The following VMP1 variants were observed in gnomAD, a reference collection of about 807,000 sequenced individuals.
The protein encoded by VMP1 is ectopic P-granules autophagy protein 3 homolog.
VMP1 carries 11 observed loss-of-function variants against 56.0 expected under a neutral mutation model. The ratio of observed to expected loss-of-function variants is 0.20; its 90% CI spans 0.12 to 0.32. The LOEUF (loss-of-function observed/expected upper bound fraction) is 0.32, where lower values mean the gene tolerates loss of function less well. Ranked by LOEUF, VMP1 falls within the 10% of genes least tolerant of loss-of-function variation. The pLI is 1.00. For synonymous variants in VMP1, 149 were observed against 165.0 expected (o/e 0.90, Z 0.74); for missense variants, 296 against 490.3 (o/e 0.60, Z 3.74).
At chr17:59,815,929 A>C (rs1269660198) in intron 9 of VMP1, among the ~76,000 whole-genome samples, 1 of 149,862 alleles carries the variant, frequency 6.7e-6, no homozygotes. Context: ...ATCTTTGTTC[A>C]TTCTAGCACA....
intron 7 of VMP1, among the ~76,000 whole-genome samples, chr17:59,808,425 C>T (rs1464111141): frequency 6.6e-6 from 1 of 152,188 alleles, no homozygotes; most frequent in Non-Finnish European, 1.5e-5. Context: ...GAGATGTATT[C>T]ATGAAGTCTG....
chr17:59,826,820 G>A (rs998934568), intron 10 of VMP1, among the ~76,000 whole-genome samples: 1 of 152,166 alleles, frequency 6.6e-6, no homozygotes, highest in Non-Finnish European at 1.5e-5. Context: ...AGGCAGAGAA[G>A]GGGGACACTC....
intron 10 of VMP1, among the ~76,000 whole-genome samples, chr17:59,835,515 A>T (rs562928011): frequency 6.3e-5 from 9 of 142,092 alleles, no homozygotes; most frequent in African/African-American, 1.8e-4. Flanking sequence ...TTTGAGACAG[A>T]GTTTCACTCT....
Position 59,782,096 on chromosome 17 carries a change from A to G in VMP1, c.714+8211A>G, listed in dbSNP as rs60694826. ...GCTAATTTTTGTATTTTTAGTAGAG[A>G]TGGGGTTTCACCATGTTGGCCAGGC... On this transcript the variant is annotated intron_variant, in intron 7 of 11. Coordinates refer to ENST00000262291, the MANE Select transcript of VMP1 (RefSeq NM_030938.5). Among the ~76,000 whole-genome samples, 863 of 152,152 alleles carry G rather than the reference A, an allele frequency of 5.7e-3. 6 individuals are homozygous for G. The highest frequency in any genetic ancestry group is 0.02 in the African/African-American group (816 of 41,510).
chr17:59,758,721 C>T (rs1432251859), intron 5 of VMP1, among the ~76,000 whole-genome samples: 3 of 151,884 alleles, frequency 2.0e-5, no homozygotes, highest in Admixed American at 6.6e-5. Flanking sequence ...AATGCCAGCA[C>T]TTTGGGAGGT....
intron 7 of VMP1, among the ~76,000 whole-genome samples, chr17:59,789,451 C>T (rs1407136822): frequency 6.6e-6 from 1 of 151,854 alleles, no homozygotes; most frequent in Non-Finnish European, 1.5e-5. Flanking sequence ...AGGAGAATCG[C>T]TTGAACCCGG....
Position 59,731,476 on chromosome 17 carries a change from G to C in VMP1, c.30G>C (p.Gln10His). ...CAGAGAATGGAAAAAATTGTGACCA[G>C]AGACGTGTAGCAATGAACAAGGAAC... is the stretch of plus-strand genomic sequence containing the variant. MAENGKNCD[Q>H]RRVAMNKEHH... The change falls in exon 2 of 12, where the codon CAG becomes CAC. Residue 10 changes from glutamine to histidine, a missense_variant. Gln to His is a conservative substitution (Grantham distance 24). Coordinates refer to ENST00000262291, the MANE Select transcript of VMP1 (RefSeq NM_030938.5). 6.3e-7 allele frequency: 1 copy of C among 1,593,438 alleles called. No individual in the cohort carries two copies. Among genetic ancestry groups the C allele is most frequent in the Non-Finnish European group, 8.5e-7 (1 of 1,173,018 alleles).
At chr17:59,832,632 C>T (rs1265176251) in intron 10 of VMP1, among the ~76,000 whole-genome samples, 1 of 150,560 alleles carries the variant, frequency 6.6e-6, no homozygotes, top group African/African-American at 2.4e-5. Context: ...CTCGCTCTGT[C>T]GCCCAGGCTG....
chr17:59,752,451 C>T (rs1568080112), intron 5 of VMP1, among the ~76,000 whole-genome samples: 2 of 152,168 alleles, frequency 1.3e-5, no homozygotes, highest in East Asian at 3.9e-4. Context: ...ACCCATTTGC[C>T]AAATAAGTAC....
chr17:59,794,219 CTTTT>C (rs574035691), intron 7 of VMP1, among the ~76,000 whole-genome samples: 4 of 64,638 alleles, frequency 6.2e-5, no homozygotes, highest in East Asian at 5.5e-4. Flanking sequence ...CGCACCCGGC[CTTTT>C]TTTTTTTTTT....
intron 7 of VMP1, among the ~76,000 whole-genome samples, chr17:59,787,082 C>G (rs1185898670): frequency 6.6e-6 from 1 of 152,096 alleles, no homozygotes; most frequent in Non-Finnish European, 1.5e-5. Context: ...TTTAAGTGGT[C>G]TTGATGGATT....
chr17:59,832,182 C>CTTTTTT (rs766864144), intron 10 of VMP1, among the ~76,000 whole-genome samples: 18 of 102,800 alleles, frequency 1.8e-4, no homozygotes, highest in African/African-American at 4.5e-4. Flanking sequence ...ATGAGATCAA[C>CTTTTTT]TTTTTTTTTT....
intron 5 of VMP1, among the ~76,000 whole-genome samples, chr17:59,752,863 A>G (rs1372680687): frequency 6.6e-6 from 1 of 152,234 alleles, no homozygotes; most frequent in African/African-American, 2.4e-5. Flanking sequence ...AAAAGTAACT[A>G]TGTAAGATGA....
chr17:59,711,628 T>C (rs1211736983), intron 1 of VMP1, among the ~76,000 whole-genome samples: 1 of 152,232 alleles, frequency 6.6e-6, no homozygotes, highest in African/African-American at 2.4e-5. Flanking sequence ...AGGTATTATG[T>C]AGGCCCTTAT....
At chr17:59,795,243 G>A (rs1212632723) in intron 7 of VMP1, among the ~76,000 whole-genome samples, 2 of 150,830 alleles carry the variant, frequency 1.3e-5, no homozygotes, top group African/African-American at 4.9e-5. Flanking sequence ...CCAAAGTGCT[G>A]GGATTACAGG....
chr17:59,755,867 T>C (rs2035823244), intron 5 of VMP1, among the ~76,000 whole-genome samples: 2 of 151,768 alleles, frequency 1.3e-5, no homozygotes, highest in Admixed American at 1.3e-4. Flanking sequence ...GCCTCCCAAG[T>C]AGCTGGGACT....
At chr17:59,761,200 C>G (rs1234860250) in intron 5 of VMP1, among the ~76,000 whole-genome samples, 5 of 152,196 alleles carry the variant, frequency 3.3e-5, no homozygotes, top group Non-Finnish European at 7.3e-5. Flanking sequence ...CGCACCCAGC[C>G]CATGTGTTTT....
chr17:59,801,130 G>A (rs2037644923), intron 7 of VMP1, among the ~76,000 whole-genome samples: 1 of 146,082 alleles, frequency 6.8e-6, no homozygotes, highest in Non-Finnish European at 1.5e-5. Context: ...GTGTGTGTGT[G>A]TGTGTGTGTG....
chr17:59,769,045 C>T (rs1219206442), intron 6 of VMP1, among the ~76,000 whole-genome samples: 1 of 151,568 alleles, frequency 6.6e-6, no homozygotes, highest in African/African-American at 2.4e-5. Context: ...TGCTTGAACC[C>T]GGGAGGCAGA....
Sources: gnomAD v4.1 joint callset for allele counts (sites outside exome capture counted in the v4.1 genomes callset) on GRCh38, gnomAD v4.1.1 for gene constraint, MANE v1.5 for transcripts, NCBI Gene and HGNC (gene_info 2026-07-23, HGNC 2026-07-21) for gene names.